MCU: variants seen among roughly 807,000 people sequenced by gnomAD.
MCU encodes the protein mitochondrial calcium uniporter.
In MCU, 12 loss-of-function variants were observed where a neutral mutation model predicts 45.2. That is an observed-to-expected ratio of 0.27 (90% CI 0.17 to 0.43). The LOEUF (loss-of-function observed/expected upper bound fraction) is 0.43, where lower values mean the gene tolerates loss of function less well. Among genes scored for constraint, MCU ranks in the 20% least tolerant of loss-of-function variants. The pLI, the probability that MCU is intolerant of heterozygous loss-of-function variation, is 1.00. For missense variants in MCU, 324 were observed against 436.7 expected, an observed-to-expected ratio of 0.74 and a Z score of 2.30; for synonymous variants, 160 against 165.1, an observed-to-expected ratio of 0.97 and a Z score of 0.24.
intron 1 of MCU, among the ~76,000 whole-genome samples, chr10:72,745,421 G>A (rs184320126): frequency 1.6e-4 from 24 of 152,192 alleles, no homozygotes; most frequent in African/African-American, 5.1e-4. Context: ...TAGAAACAGC[G>A]TTTCACCATG....
chr10:72,756,132 T>C (rs1002521058), intron 1 of MCU, among the ~76,000 whole-genome samples: 3 of 152,136 alleles, frequency 2.0e-5, no homozygotes, highest in Non-Finnish European at 2.9e-5. Flanking sequence ...ATTACAGGTG[T>C]GAACCACCAC....
intron 1 of MCU, among the ~76,000 whole-genome samples, chr10:72,720,495 ACT>A (rs1256550587): frequency 7.4e-6 from 1 of 135,858 alleles, no homozygotes; most frequent in Non-Finnish European, 1.5e-5. Context: ...AGATCCACTG[ACT>A]ATTAGGCCCT....
intron 4 of MCU, among the ~76,000 whole-genome samples, chr10:72,866,637 C>T (rs1039531635): frequency 3.3e-5 from 5 of 152,112 alleles, no homozygotes; most frequent in Admixed American, 6.5e-5. Flanking sequence ...CCTCGTGATT[C>T]GTCCACCTTT....
intron 1 of MCU, among the ~76,000 whole-genome samples, chr10:72,741,098 C>CTTTTTTTTTTT (rs11310286): frequency 8.0e-6 from 1 of 124,688 alleles, no homozygotes; most frequent in Admixed American, 8.1e-5. Flanking sequence ...TTTTCTTTTT[C>CTTTTTTTTTTT]TTTTTTTTTT....
At chr10:72,761,200 T>TC (rs1372876287) in intron 1 of MCU, among the ~76,000 whole-genome samples, 3 of 152,228 alleles carry the variant, frequency 2.0e-5, no homozygotes, top group Non-Finnish European at 4.4e-5. Context: ...TGTTTTGCAG[T>TC]CCATTTTTAA....
chr10:72,716,732 T>C (rs1183739670), intron 1 of MCU, among the ~76,000 whole-genome samples: 1 of 150,022 alleles, frequency 6.7e-6, no homozygotes, highest in Non-Finnish European at 1.5e-5. Context: ...AAAAAAAAAT[T>C]AGTTGGGCAT....
At chr10:72,721,549 A>T (rs887091585) in intron 1 of MCU, among the ~76,000 whole-genome samples, 5 of 152,096 alleles carry the variant, frequency 3.3e-5, no homozygotes, top group African/African-American at 4.8e-5. Flanking sequence ...CTGAACATGC[A>T]CCTACCTCAT....
At chr10:72,857,684 C>T (rs1845314458) in intron 2 of MCU, among the ~76,000 whole-genome samples, 1 of 151,958 alleles carries the variant, frequency 6.6e-6, no homozygotes, top group African/African-American at 2.4e-5. Flanking sequence ...TGCTCAGTTG[C>T]TTATGTAAAA....
chr10:72,837,031 GTAT>G (rs1176148520), intron 2 of MCU, among the ~76,000 whole-genome samples: 4 of 151,960 alleles, frequency 2.6e-5, no homozygotes, highest in Non-Finnish European at 5.9e-5. Context: ...TATAATTATG[GTAT>G]TATATGCTTA....
intron 2 of MCU, among the ~76,000 whole-genome samples, chr10:72,851,414 A>G (rs1845204929): frequency 6.6e-6 from 1 of 152,214 alleles, no homozygotes; most frequent in Non-Finnish European, 1.5e-5. Context: ...AAAGAGTTTA[A>G]TTCACACAGA....
At chr10:72,818,319 TA>T (rs781705933) in intron 1 of MCU, among the ~76,000 whole-genome samples, 7 of 152,214 alleles carry the variant, frequency 4.6e-5, no homozygotes, top group Non-Finnish European at 7.3e-5. Flanking sequence ...AGTGTTTTGC[TA>T]ACTCACATAA....
chr10:72,722,349 A>G (rs1270297367), intron 1 of MCU, among the ~76,000 whole-genome samples: 6 of 146,444 alleles, frequency 4.1e-5, no homozygotes, highest in African/African-American at 1.5e-4. Context: ...AAAAAGGTAC[A>G]TGACTTCTTA....
At chr10:72,724,002 C>T (rs1309790636) in intron 1 of MCU, among the ~76,000 whole-genome samples, 1 of 152,188 alleles carries the variant, frequency 6.6e-6, no homozygotes, top group African/African-American at 2.4e-5. Flanking sequence ...CATTGGAAAG[C>T]CCATCCTTTT....
At chr10:72,822,747 G>A (rs775174257) in intron 1 of MCU, among the ~76,000 whole-genome samples, 58 of 152,134 alleles carry the variant, frequency 3.8e-4, no homozygotes, top group Non-Finnish European at 3.2e-4. Flanking sequence ...GGCCAAGGCC[G>A]GAGGATTGCT....
intron 1 of MCU, among the ~76,000 whole-genome samples, chr10:72,786,852 A>G (rs1358108581): frequency 6.6e-6 from 1 of 152,208 alleles, no homozygotes; most frequent in Non-Finnish European, 1.5e-5. Flanking sequence ...ACATGCCATC[A>G]CTGGTAGAAT....
intron 2 of MCU, among the ~76,000 whole-genome samples, chr10:72,840,452 G>A (rs568215251): frequency 3.3e-5 from 5 of 152,174 alleles, no homozygotes; most frequent in Non-Finnish European, 7.4e-5. Context: ...TTTAAAAATA[G>A]TTTGGAGGGA....
At chr10:72,864,448 C>G (rs1177679072) in intron 4 of MCU, among the ~76,000 whole-genome samples, 1 of 152,200 alleles carries the variant, frequency 6.6e-6, no homozygotes, top group Non-Finnish European at 1.5e-5. Flanking sequence ...TCATTTTAGA[C>G]AGATGATTTA....
At chr10:72,797,638 A>G (rs1167209375) in intron 1 of MCU, among the ~76,000 whole-genome samples, 12 of 140,930 alleles carry the variant, frequency 8.5e-5, no homozygotes, top group East Asian at 4.2e-4. Flanking sequence ...GGGTTCAAGC[A>G]ATTCTCCTGC....
chr10:72,775,432 CAAA>C (rs1843876686), intron 1 of MCU, among the ~76,000 whole-genome samples: 1 of 151,696 alleles, frequency 6.6e-6, no homozygotes, highest in Non-Finnish European at 1.5e-5. Context: ...ACACTTCTAT[CAAA>C]AAAGAAAATT....
Sources: allele counts gnomAD v4.1 joint callset (sites outside exome capture counted in the v4.1 genomes callset), GRCh38; gene constraint gnomAD v4.1.1; transcripts MANE v1.5; gene names NCBI Gene and HGNC (gene_info 2026-07-23, HGNC 2026-07-21).